The following CDH13 variants were observed in gnomAD, a reference collection of about 807,000 sequenced individuals.
CDH13 encodes cadherin-13.
A neutral mutation model predicts 63.8 loss-of-function variants in CDH13; 24 were observed. The ratio of observed to expected loss-of-function variants is 0.38; its 90% CI spans 0.27 to 0.53. The LOEUF is 0.53. Ranked by LOEUF, CDH13 falls within the 20% of genes least tolerant of loss-of-function variation. The probability of loss-of-function intolerance (pLI) is 0.85; values close to 1 mark genes in which losing one functional copy is unlikely to be tolerated. For synonymous variants in CDH13, 503 were observed against 355.3 expected, an observed-to-expected ratio of 1.42 and a Z score of -4.67; for missense variants, 1,049 against 903.1, an observed-to-expected ratio of 1.16 and a Z score of -2.07.
chr16:83,673,330 T>A (rs1914679636), intron 9 of CDH13, among the ~76,000 whole-genome samples: 1 of 152,134 alleles, frequency 6.6e-6, no homozygotes, highest in Admixed American at 6.5e-5. Flanking sequence ...CCTACCAAAT[T>A]TTGGCCTCTG....
At chr16:83,748,316 A>G in intron 11 of CDH13, 66 bp downstream of exon 11, 1 of 1,448,790 alleles carries the variant, frequency 6.9e-7, no homozygotes, top group East Asian at 2.3e-5. Flanking sequence ...TACATTTTTA[A>G]ATTTCTTCTG....
intron 4 of CDH13, among the ~76,000 whole-genome samples, chr16:83,216,397 AATATATATATATATATATATAT>A (rs1158270310): frequency 5.6e-4 from 9 of 16,108 alleles, no homozygotes; most frequent in Middle Eastern, 0.042. Context: ...CCAGCATTGA[AATATATATATATATATATATAT>A]ATATATATAT....
intron 2 of CDH13, among the ~76,000 whole-genome samples, chr16:82,915,751 G>A (rs544599821): frequency 1.3e-5 from 2 of 151,432 alleles, no homozygotes; most frequent in Non-Finnish European, 2.9e-5. Context: ...TTGTAAAGCT[G>A]ATTCTTCCCT....
intron 1 of CDH13, among the ~76,000 whole-genome samples, chr16:82,650,007 AT>A (rs1270092072): frequency 6.6e-6 from 1 of 152,170 alleles, no homozygotes; most frequent in Non-Finnish European, 1.5e-5. Context: ...AACAAGGACC[AT>A]TTCCTGGGCA....
chr16:83,761,070 A>G (rs1353048010), intron 11 of CDH13, among the ~76,000 whole-genome samples: 1 of 152,222 alleles, frequency 6.6e-6, no homozygotes, highest in Non-Finnish European at 1.5e-5. Context: ...CTCAGTTTAT[A>G]ACAATTTTAA....
intron 7 of CDH13, among the ~76,000 whole-genome samples, chr16:83,548,513 G>C (rs1191772071): frequency 6.6e-6 from 1 of 152,214 alleles, no homozygotes; most frequent in Non-Finnish European, 1.5e-5. Context: ...CAGAGATGCA[G>C]TGTCAGAGGT....
rs76914546 is a variant in CDH13 at position 83,078,181 on chromosome 16, G to A, written c.366+45963G>A. Among the ~76,000 whole-genome samples, 24 of 152,228 alleles carry A rather than the reference G, an allele frequency of 1.6e-4. No homozygotes were observed. In the East Asian group the frequency reaches 4.2e-3, roughly 27 times the overall value. On this transcript the variant is annotated intron_variant, in intron 3 of 13. Coordinates refer to ENST00000567109, the MANE Select transcript of CDH13 (RefSeq NM_001257.5). The stretch of plus-strand genomic sequence containing the variant: ...GCAGAATTCATACACAGAAGTTGGG[G>A]CTTCCTGTCACTGAGTCTCTTCTAT...
At chr16:82,794,506 A>C (rs990633204) in intron 1 of CDH13, among the ~76,000 whole-genome samples, 1 of 151,564 alleles carries the variant, frequency 6.6e-6, no homozygotes, top group African/African-American at 2.4e-5. Context: ...AACGGCTAGG[A>C]ATAGCTGATA....
intron 1 of CDH13, among the ~76,000 whole-genome samples, chr16:82,631,052 GTATT>G (rs1422285773): frequency 6.6e-6 from 1 of 152,148 alleles, no homozygotes; most frequent in East Asian, 1.9e-4. Context: ...ATTTTTCACT[GTATT>G]TATTTCTGTG....
At chr16:83,670,727 A>T in intron 8 of CDH13, 63 bp from the exon 9 acceptor site, 9 of 1,435,298 alleles carry the variant, frequency 6.3e-6, no homozygotes, top group Non-Finnish European at 7.8e-6. Flanking sequence ...CCCAATGCAA[A>T]GCATGTAGTA....
intron 3 of CDH13, among the ~76,000 whole-genome samples, chr16:83,070,703 A>G (rs1385365063): frequency 2.0e-5 from 3 of 152,176 alleles, no homozygotes; most frequent in Non-Finnish European, 4.4e-5. Flanking sequence ...ATTGAAGGGA[A>G]TGACTGAACT....
intron 1 of CDH13, among the ~76,000 whole-genome samples, chr16:82,744,446 T>C (rs572259749): frequency 2.0e-4 from 31 of 152,274 alleles, no homozygotes; most frequent in African/African-American, 6.7e-4. Context: ...AGGGATTTTT[T>C]TGAAAACCAG....
chr16:83,740,692 G>C (rs1482901902), intron 10 of CDH13, among the ~76,000 whole-genome samples: 1 of 152,172 alleles, frequency 6.6e-6, no homozygotes, highest in Non-Finnish European at 1.5e-5. Flanking sequence ...AGGGGATCCA[G>C]GGAAGGGACT....
chr16:82,657,273 AAT>A (rs1911408942), intron 1 of CDH13, among the ~76,000 whole-genome samples: 1 of 152,204 alleles, frequency 6.6e-6, no homozygotes, highest in Non-Finnish European at 1.5e-5. Context: ...CAATTATGAC[AAT>A]ATGTTGTAAT....
intron 6 of CDH13, among the ~76,000 whole-genome samples, chr16:83,430,232 A>C (rs2072054249): frequency 6.6e-6 from 1 of 152,206 alleles, no homozygotes; most frequent in Non-Finnish European, 1.5e-5. Context: ...GTGTTTCCTG[A>C]CATGCACTCT....
intron 7 of CDH13, among the ~76,000 whole-genome samples, chr16:83,498,376 C>T (rs536536991): frequency 6.6e-6 from 1 of 152,128 alleles, no homozygotes; most frequent in East Asian, 1.9e-4. Context: ...TCTAGAGCCA[C>T]CTGGAAACAA....
At chr16:83,527,919 T>C (rs2075000004) in intron 7 of CDH13, among the ~76,000 whole-genome samples, 1 of 152,222 alleles carries the variant, frequency 6.6e-6, no homozygotes, top group Admixed American at 6.5e-5. Context: ...CCAACAAAAC[T>C]TCAAACAATA....
intron 1 of CDH13, among the ~76,000 whole-genome samples, chr16:82,674,220 T>C (rs1282006630): frequency 6.6e-6 from 1 of 152,224 alleles, no homozygotes; most frequent in Non-Finnish European, 1.5e-5. Flanking sequence ...CCTTCCTGCA[T>C]TGGCCTATGG....
intron 2 of CDH13, among the ~76,000 whole-genome samples, chr16:82,901,362 GTGTGTC>G (rs1394598785): frequency 0.011 from 1,620 of 150,264 alleles, 9 homozygotes; most frequent in Non-Finnish European, 0.016. Flanking sequence ...GTGTGTGTGT[GTGTGTC>G]TGATGATTGG....
Sources: gnomAD v4.1 joint callset for allele counts (sites outside exome capture counted in the v4.1 genomes callset) on GRCh38, gnomAD v4.1.1 for gene constraint, MANE v1.5 for transcripts, NCBI Gene and HGNC (gene_info 2026-07-23, HGNC 2026-07-21) for gene names.